Variants in CLPTM1L observed in about 807,000 individuals in gnomAD.
CLPTM1L encodes lipid scramblase CLPTM1L.
In CLPTM1L, 38 loss-of-function variants were observed where a neutral mutation model predicts 70.9. That is an observed-to-expected ratio of 0.54 (90% CI 0.41 to 0.70). The LOEUF is 0.70. Among genes scored for constraint, CLPTM1L ranks in the 30% least tolerant of loss-of-function variants. The pLI is 0.00. For missense variants in CLPTM1L, 652 were observed against 705.9 expected (o/e 0.92, Z 0.87); for synonymous variants, 339 against 299.9 (o/e 1.13, Z -1.35).
At chr5:1,321,568 G>T in intron 15 of CLPTM1L, 67 bp downstream of exon 15, 3 of 1,412,650 alleles carry the variant, frequency 2.1e-6, no homozygotes, top group Non-Finnish European at 3.0e-6. Context: ...AATGCTGTTG[G>T]CTGGAAGACG....
chr5:1,331,578 CGCTGG>C (rs373155066), intron 8 of CLPTM1L: 4 of 403,486 alleles, frequency 9.9e-6, no homozygotes, highest in East Asian at 9.4e-5. Flanking sequence ...GCTGTGCAGC[CGCTGG>C]AGGCCCTGAG....
intron 9 of CLPTM1L, among the ~76,000 whole-genome samples, chr5:1,329,418 G>GACTCA (rs1281371442): frequency 6.7e-6 from 1 of 149,936 alleles, no homozygotes; most frequent in Non-Finnish European, 1.5e-5. Context: ...AGGGCCTCAG[G>GACTCA]CCTCTGCTTG....
chr5:1,330,481 C>CCA, intron 8 of CLPTM1L, 98 bp from the exon 9 acceptor site: 1 of 913,654 alleles, frequency 1.1e-6, no homozygotes, highest in Non-Finnish European at 1.8e-6. Flanking sequence ...TCCCAACCCA[C>CCA]CACGCCCAAG....
Position 1,318,043 on chromosome 5 carries a change from A to G in CLPTM1L, c.*326T>C. 1 of 335,158 alleles carries G rather than the reference A, an allele frequency of 3.0e-6. No homozygotes were observed. Among genetic ancestry groups the G allele is most frequent in the East Asian group, 5.1e-5 (1 of 19,582 alleles). The allele number at this position is 335,158 out of a possible 1,614,324, so 20.8% of individuals were successfully genotyped here. A position where few individuals can be genotyped will look rare whatever the true frequency, so the allele number is the denominator to read the frequency against. On this transcript the variant is annotated 3_prime_UTR_variant, in exon 17 of 17. Coordinates refer to ENST00000320895, the MANE Select transcript of CLPTM1L (RefSeq NM_030782.5). The surrounding 1 kb of genome is among the most constrained non-coding windows in gnomAD (Gnocchi z 8.9). ...GAAAACCACCTGAAATGGAAATCCAACAGCCCCCTTGCCTGTGAGGGCTCC... is the reference window on the plus strand; with the variant it reads ...GAAAACCACCTGAAATGGAAATCCAGCAGCCCCCTTGCCTGTGAGGGCTCC...
intron 6 of CLPTM1L, among the ~76,000 whole-genome samples, chr5:1,334,721 T>C (rs182385053): frequency 7.7e-4 from 117 of 152,170 alleles, no homozygotes; most frequent in African/African-American, 2.6e-3. Flanking sequence ...GCCACTGCAC[T>C]CCAGCCTGGG....
chr5:1,329,029 C>A (rs188483675), intron 9 of CLPTM1L, among the ~76,000 whole-genome samples: 1 of 149,000 alleles, frequency 6.7e-6, no homozygotes, highest in Non-Finnish European at 1.5e-5. Flanking sequence ...ACAGGCATGA[C>A]GGCCGCAGAG....
chr5:1,331,417 A>G (rs1229240247), intron 8 of CLPTM1L: 1 of 270,650 alleles, frequency 3.7e-6, no homozygotes. Flanking sequence ...CGGCGGGAGG[A>G]CGGGGCGAGG....
chr5:1,342,478 G>A lies in CLPTM1L; in HGVS notation c.264-618C>T, dbSNP rs1034523099. ...GCGAGCTGCTACAACTGTAGGCCTCGGACCAGGTGCCTGGCTCTTCACCCG... is the reference window on the plus strand; with the variant it reads ...GCGAGCTGCTACAACTGTAGGCCTCAGACCAGGTGCCTGGCTCTTCACCCG... On this transcript the variant is annotated intron_variant, in intron 2 of 16. Transcript: ENST00000320895. The surrounding 1 kb of genome is among the most constrained non-coding windows in gnomAD (Gnocchi z 4.3). 1.3e-5 allele frequency among the ~76,000 whole-genome samples: 2 copies of A among 152,178 alleles called. No individual in the cohort carries two copies. The highest frequency in any genetic ancestry group is 2.1e-4 in the South Asian group (1 of 4,838).
chr5:1,339,453 G>T (rs1753803813), intron 3 of CLPTM1L, among the ~76,000 whole-genome samples: 1 of 129,568 alleles, frequency 7.7e-6, no homozygotes, highest in Non-Finnish European at 1.6e-5. Flanking sequence ...GGACAGCAGG[G>T]TCAGCGCCCT....
At chr5:1,338,287 C>A (rs775536284) in intron 4 of CLPTM1L, 10 of 444,482 alleles carry the variant, frequency 2.2e-5, no homozygotes, top group East Asian at 8.8e-5. Flanking sequence ...GGGCCCTCTG[C>A]GCACTGACAC....
chr5:1,338,204 A>G, intron 4 of CLPTM1L: 1 of 590,190 alleles, frequency 1.7e-6, no homozygotes, highest in Non-Finnish European at 3.0e-6. Flanking sequence ...AGTGATGGCC[A>G]CAGGTGGGAA....
chr5:1,342,039 TGCACGCGCAC>T lies in CLPTM1L; in HGVS notation c.264-189_264-180del, dbSNP rs1269179954. On this transcript the variant is annotated intron_variant, in intron 2 of 16. Coordinates refer to ENST00000320895, the MANE Select transcript of CLPTM1L (RefSeq NM_030782.5). This position sits in a 1 kb window ranked among gnomAD's most constrained non-coding sequence, Gnocchi z 4.3. ...GTGTGTGTGTGTGTGTGTGTGTGTG[TGCACGCGCAC>T]GCGTGCGCGTCCTGAGAACTCGGCA... Among the ~76,000 whole-genome samples the T allele has an allele frequency of 1.3e-5, 2 of 148,976 alleles. No homozygotes were observed. The highest frequency in any genetic ancestry group is 5.0e-5 in the African/African-American group (2 of 39,664).
rs1318176489 is a variant in CLPTM1L, at chr5:1,326,559, C to T, written c.1081-743G>A. 5 of 279,734 alleles carry T rather than the reference C, an allele frequency of 1.8e-5. No individual in the cohort carries two copies. In the Admixed American group the frequency reaches 2.8e-4, roughly 16 times the overall value. The allele number at this position is 279,734 out of a possible 1,614,324, so 17.3% of individuals were successfully genotyped here. On this transcript the variant is annotated intron_variant, in intron 9 of 16. Coordinates refer to ENST00000320895, the MANE Select transcript of CLPTM1L (RefSeq NM_030782.5). ...TTTCATCCAGCTCCTCCTCTAGACACATTCCATCCAGCTCCTCCTCTACAG... is the reference window on the plus strand; with the variant it reads ...TTTCATCCAGCTCCTCCTCTAGACATATTCCATCCAGCTCCTCCTCTACAG...
At position 1,344,822 on chromosome 5, in the gene CLPTM1L, G is replaced by T; in HGVS notation, c.20C>A (p.Ser7Tyr). 1 of 1,573,506 alleles carries T rather than the reference G, an allele frequency of 6.4e-7. No individual in the cohort carries two copies. Among genetic ancestry groups the T allele is most frequent in the Non-Finnish European group, 8.6e-7 (1 of 1,163,842 alleles). Residue 7 changes from serine to tyrosine, a missense_variant, in exon 1 of 17, where the codon TCC becomes TAC. By Grantham distance (144) the Ser-to-Tyr change is moderately radical. This residue lies in a region of CLPTM1L where 10 missense variants were observed against 22.7 expected (regional missense o/e 0.44). Transcript: ENST00000320895. The part of the protein sequence containing the change: MWSGRS[S>Y]FTSLVVGVFV... ...CACGCCCACCACCAAGCTGGTGAAG[G>T]AGCTGCGGCCGCTCCACATGGCGGC... is the stretch of plus-strand genomic sequence containing the variant.
At chr5:1,320,045 G>T (rs1405931829) in intron 16 of CLPTM1L, among the ~76,000 whole-genome samples, 1 of 152,204 alleles carries the variant, frequency 6.6e-6, no homozygotes, top group Non-Finnish European at 1.5e-5. Flanking sequence ...CCCGGGGTGG[G>T]GCCTGAACCT....
chr5:1,328,979 GCTCCTCCT>G (rs1395935137), intron 9 of CLPTM1L, among the ~76,000 whole-genome samples: 3 of 151,500 alleles, frequency 2.0e-5, no homozygotes, highest in African/African-American at 7.4e-5. Context: ...ATTTCATACA[GCTCCTCCT>G]CTACAGAGAC....
intron 2 of CLPTM1L, among the ~76,000 whole-genome samples, chr5:1,343,532 G>C (rs541380122): frequency 1.3e-5 from 2 of 152,356 alleles, no homozygotes; most frequent in Non-Finnish European, 2.9e-5. Flanking sequence ...TGAATCCTGA[G>C]CATTTTTGAA....
At chr5:1,341,607 G>C (rs1047941410) in intron 3 of CLPTM1L, 64 bp downstream of exon 3, 2 of 1,417,558 alleles carry the variant, frequency 1.4e-6, no homozygotes, top group Non-Finnish European at 1.9e-6. Context: ...CCTGTGTGGA[G>C]AAAGACATGT....
intron 9 of CLPTM1L, among the ~76,000 whole-genome samples, chr5:1,327,943 G>T (rs62329695): frequency 0.26 from 5,646 of 21,570 alleles, 2,435 homozygotes; most frequent in Middle Eastern, 0.29. Flanking sequence ...GCTCCTCCTC[G>T]ACAGACACAT....
Sources: gnomAD v4.1 joint callset for allele counts (sites outside exome capture counted in the v4.1 genomes callset) on GRCh38, gnomAD v4.1.1 for gene constraint, gnomAD v4.1.1 regional missense constraint, Gnocchi (gnomAD v3.1) non-coding constraint, MANE v1.5 for transcripts, NCBI Gene and HGNC (gene_info 2026-07-23, HGNC 2026-07-21) for gene names.